Variants in GASK1B observed in about 807,000 individuals in gnomAD.
The protein encoded by GASK1B is Golgi-associated kinase 1B.
A neutral mutation model predicts 42.8 loss-of-function variants in GASK1B; 34 were observed. That is an observed-to-expected ratio of 0.79 (90% confidence interval 0.60 to 1.06). GASK1B has a LOEUF of 1.06. GASK1B is among the 50% of genes least tolerant of loss of function. The pLI, the probability that GASK1B is intolerant of heterozygous loss-of-function variation, is 0.00. For missense variants in GASK1B, 686 were observed against 661.0 expected (o/e 1.04, Z -0.42); for synonymous variants, 262 against 259.1 (o/e 1.01, Z -0.11).
chr4:158,137,602 G>A (rs1054232150), intron 3 of GASK1B, among the ~76,000 whole-genome samples: 1 of 151,964 alleles, frequency 6.6e-6, no homozygotes, highest in Non-Finnish European at 1.5e-5. Flanking sequence ...GTGTATAAAG[G>A]GACACTAGAT....
At chr4:158,128,065 G>C (rs1730530195) in intron 4 of GASK1B, among the ~76,000 whole-genome samples, 1 of 152,098 alleles carries the variant, frequency 6.6e-6, no homozygotes, top group South Asian at 2.1e-4. Flanking sequence ...AAAGTATTCT[G>C]CCTGAATAGA....
rs756348930 is a variant in GASK1B, at chr4:158,171,409, A to C, written c.-34T>G. On this transcript the variant is annotated 5_prime_UTR_variant, in exon 2 of 5. An upstream open reading frame in the 5' UTR gains an earlier in-frame stop. Transcript: ENST00000585682. ...CGCATCCACATGTTGAACGGAGTTT[A>C]AAGTCTGCAGTTGGCTCCTGCTAAT... 2.6e-6 allele frequency: 4 copies of C among 1,520,878 alleles called. No individual in the cohort carries two copies. In the African/African-American group the frequency reaches 4.2e-5, roughly 16 times the overall value. 94.2% of individuals were successfully genotyped at this position (1,520,878 alleles called of 1,614,324 possible).
intron 3 of GASK1B, among the ~76,000 whole-genome samples, chr4:158,136,887 AC>A (rs2110943050): frequency 6.6e-6 from 1 of 152,332 alleles, no homozygotes; most frequent in East Asian, 1.9e-4. Context: ...AATGCCTACC[AC>A]ATAGTAGGTA....
At chr4:158,155,006 A>C (rs1330437700) in intron 3 of GASK1B, among the ~76,000 whole-genome samples, 1 of 152,164 alleles carries the variant, frequency 6.6e-6, no homozygotes, top group Non-Finnish European at 1.5e-5. Context: ...AACCTATTGA[A>C]ATTTAAAAAA....
Position 158,170,757 on chromosome 4 carries a change from T to G in GASK1B, c.619A>C (p.Ile207Leu), listed in dbSNP as rs2111031791. ...QPSSRESNIRIYSESAPSWLS... is the reference protein window; with the variant it reads ...QPSSRESNIRLYSESAPSWLS... The stretch of plus-strand genomic sequence containing the variant: ...CAGGAGGGGGCGCTCTCGCTGTAGA[T>G]CCTAATGTTGCTCTCCCTGGAGCTG... The change falls in exon 2 of 5, where the codon ATC becomes CTC. Residue 207 changes from isoleucine to leucine, a missense_variant. Ile to Leu is a conservative substitution (Grantham distance 5). Transcript: ENST00000585682. 2 of 1,614,194 alleles carry G rather than the reference T, an allele frequency of 1.2e-6. No individual in the cohort carries two copies. The highest frequency in any genetic ancestry group is 1.7e-6 in the Non-Finnish European group (2 of 1,180,024).
chr4:158,171,949 A>T (rs990707068), intron 1 of GASK1B, among the ~76,000 whole-genome samples: 2 of 152,196 alleles, frequency 1.3e-5, no homozygotes, highest in Admixed American at 6.5e-5. Context: ...AATACTCTAT[A>T]CCTATACCAT....
intron 2 of GASK1B, among the ~76,000 whole-genome samples, chr4:158,165,639 T>C (rs1328177328): frequency 1.3e-5 from 2 of 152,168 alleles, no homozygotes; most frequent in Non-Finnish European, 2.9e-5. Context: ...AGTGGTAAAA[T>C]CAGAAACCAT....
chr4:158,129,322 T>C (rs1730582612), intron 4 of GASK1B, among the ~76,000 whole-genome samples: 1 of 152,198 alleles, frequency 6.6e-6, no homozygotes, highest in South Asian at 2.1e-4. Context: ...CGATATCACC[T>C]TAGTAAGTGA....
Position 158,155,045 on chromosome 4 carries a change from G to A in GASK1B, c.1125+566C>T, listed in dbSNP as rs1354926450. On this transcript the variant is annotated intron_variant, in intron 3 of 4. Transcript: ENST00000585682. The stretch of plus-strand genomic sequence containing the variant: ...AAAATTAAAAAATAAAAGTAAACCT[G>A]AACACTAGTTCAGGCCATGATGGCA... Among the ~76,000 whole-genome samples the A allele has an allele frequency of 7.2e-5, 11 of 152,062 alleles. No homozygotes were observed. The South Asian group carries it at 1.2e-3, about 17-fold the overall frequency.
At chr4:158,155,543 C>T (rs1731723856) in intron 3 of GASK1B, 68 bp downstream of exon 3, 3 of 1,298,880 alleles carry the variant, frequency 2.3e-6, no homozygotes, top group Admixed American at 3.7e-5. Context: ...CTGAACATTC[C>T]TTAGTGTCAG....
intron 3 of GASK1B, among the ~76,000 whole-genome samples, chr4:158,154,675 C>A (rs571105324): frequency 2.6e-5 from 4 of 152,094 alleles, no homozygotes; most frequent in Admixed American, 6.6e-5. Flanking sequence ...ACTACTGATG[C>A]ATAAAGAGGT....
At chr4:158,150,127 G>A (rs551220363) in intron 3 of GASK1B, among the ~76,000 whole-genome samples, 67 of 151,632 alleles carry the variant, frequency 4.4e-4, no homozygotes, top group African/African-American at 1.5e-3. Flanking sequence ...GGGTTTCACC[G>A]TGTTAACCAG....
At chr4:158,164,909 T>C (rs534835585) in intron 2 of GASK1B, among the ~76,000 whole-genome samples, 1 of 152,344 alleles carries the variant, frequency 6.6e-6, no homozygotes, top group South Asian at 2.1e-4. Context: ...TCCTACTTTA[T>C]AATACGAAGA....
intron 2 of GASK1B, among the ~76,000 whole-genome samples, chr4:158,161,104 T>C (rs1731976169): frequency 6.6e-6 from 1 of 151,918 alleles, no homozygotes; most frequent in Non-Finnish European, 1.5e-5. Context: ...ATATTTACAA[T>C]GTTTCACCCA....
chr4:158,127,676 A>T, intron 4 of GASK1B, 62 bp from the exon 5 acceptor site: 1 of 1,416,708 alleles, frequency 7.1e-7, no homozygotes, highest in Non-Finnish European at 9.6e-7. Context: ...TCCTTACCCA[A>T]CTGTCCTGCC....
chr4:158,127,532 A>G lies in GASK1B; in HGVS notation c.1435T>C (p.Tyr479His), dbSNP rs1730506806. 1.2e-6 allele frequency: 2 copies of G among 1,613,728 alleles called. No individual in the cohort carries two copies. The highest frequency in any genetic ancestry group is 1.7e-6 in the Non-Finnish European group (2 of 1,179,802). Residue 479 changes from tyrosine to histidine, a missense_variant, in exon 5 of 5, where the codon TAT becomes CAT. By Grantham distance (83) the Tyr-to-His change is moderately conservative. Transcript: ENST00000585682. Reference sequence around the variant, plus strand: ...TGTCTACCTCCTTGACTTTCCCAATACACTTTATCAAGAAACAGAGACTGA... The same window carrying G: ...TGTCTACCTCCTTGACTTTCCCAATGCACTTTATCAAGAAACAGAGACTGA... Reference protein sequence around the residue: ...LLQSLFLDKVYWESQGGRQGI... With the variant: ...LLQSLFLDKVHWESQGGRQGI...
intron 3 of GASK1B, among the ~76,000 whole-genome samples, chr4:158,132,861 C>T (rs1730734637): frequency 1.3e-5 from 2 of 152,160 alleles, no homozygotes; most frequent in Admixed American, 1.3e-4. Flanking sequence ...GTCACATAGA[C>T]TGACTCCAGG....
chr4:158,148,692 C>G (rs561634922), intron 3 of GASK1B, among the ~76,000 whole-genome samples: 1 of 152,180 alleles, frequency 6.6e-6, no homozygotes, highest in South Asian at 2.1e-4. Context: ...CCTTATGGAG[C>G]ATCAAAAAAG....
intron 3 of GASK1B, among the ~76,000 whole-genome samples, 159 bp downstream of exon 3, chr4:158,155,452 T>A (rs746321299): frequency 6.6e-5 from 10 of 152,184 alleles, no homozygotes; most frequent in African/African-American, 9.7e-5. Flanking sequence ...TCATCTACAT[T>A]TGGCCATTAT....
Sources: allele counts gnomAD v4.1 joint callset (sites outside exome capture counted in the v4.1 genomes callset), GRCh38; gene constraint gnomAD v4.1.1; transcripts MANE v1.5; gene names NCBI Gene and HGNC (gene_info 2026-07-23, HGNC 2026-07-21).